The following RP1 variants were observed in gnomAD, a reference collection of about 807,000 sequenced individuals.
RP1 encodes RP1 axonemal microtubule associated, also known as oxygen-regulated protein 1.
A neutral mutation model predicts 14.8 loss-of-function variants in RP1; 16 were observed. The observed-to-expected ratio is 1.08, with a 90% CI of 0.73 to 1.65. RP1 has a LOEUF of 1.65. Among genes scored for constraint, RP1 ranks in the 40% most tolerant of loss-of-function variants. RP1 has a pLI of 0.00. For synonymous variants in RP1, 876 were observed against 883.6 expected (o/e 0.99, Z 0.15); for missense variants, 2,631 against 2,535.0 (o/e 1.04, Z -0.81).
At chr8:54,695,125 C>T (rs858391) in intron 12 of RP1, among the ~76,000 whole-genome samples, 45,775 of 151,762 alleles carry the variant, frequency 0.3, 7,292 homozygotes, top group East Asian at 0.51. Flanking sequence ...TGTAGTTGAG[C>T]GGTTTTGAGT....
intron 8 of RP1, among the ~76,000 whole-genome samples, chr8:54,675,479 G>T (rs57691778): frequency 6.6e-6 from 1 of 152,006 alleles, no homozygotes; most frequent in African/African-American, 2.4e-5. Flanking sequence ...TACTCTCCTC[G>T]GTTGTTTGTA....
chr8:54,813,081 G>T (rs1199163267), intron 24 of RP1, among the ~76,000 whole-genome samples: 3 of 152,218 alleles, frequency 2.0e-5, no homozygotes, highest in African/African-American at 7.2e-5. Flanking sequence ...CGGGAACCCA[G>T]TCCAACTTTT....
intron 19 of RP1, among the ~76,000 whole-genome samples, chr8:54,745,826 C>T (rs530560652): frequency 6.6e-6 from 1 of 152,248 alleles, no homozygotes; most frequent in South Asian, 2.1e-4. Flanking sequence ...AATATCAGTG[C>T]ACTTTTTCTC....
chr8:54,603,938 A>G (rs7831562), intron 1 of RP1, among the ~76,000 whole-genome samples: 51,955 of 151,738 alleles, frequency 0.34, 9,404 homozygotes, highest in Middle Eastern at 0.48. Flanking sequence ...GAGATTTGGG[A>G]CTGAGACGAT....
chr8:54,863,344 T>A (rs1812393425), intron 27 of RP1, among the ~76,000 whole-genome samples: 1 of 152,142 alleles, frequency 6.6e-6, no homozygotes, highest in Admixed American at 6.5e-5. Flanking sequence ...ATCACCTAGG[T>A]GTGTAGTAGA....
chr8:54,806,502 G>A (rs1810856294), intron 24 of RP1, among the ~76,000 whole-genome samples: 2 of 152,162 alleles, frequency 1.3e-5, no homozygotes, highest in African/African-American at 4.8e-5. Flanking sequence ...GGCAGGCAGT[G>A]TGGCACTAGC....
intron 21 of RP1, among the ~76,000 whole-genome samples, chr8:54,758,723 G>A (rs924249264): frequency 6.6e-6 from 1 of 152,138 alleles, no homozygotes; most frequent in African/African-American, 2.4e-5. Context: ...AAAACAGCCA[G>A]AAATATATTT....
chr8:54,864,033 G>T (rs1812407589), intron 27 of RP1, among the ~76,000 whole-genome samples: 1 of 152,150 alleles, frequency 6.6e-6, no homozygotes, highest in Non-Finnish European at 1.5e-5. Context: ...GTGTATCAAA[G>T]AAATGAAAAG....
chr8:54,624,614 C>G, intron 3 of RP1, 56 bp from the exon 4 acceptor site: 2 of 1,564,916 alleles, frequency 1.3e-6, no homozygotes, highest in Non-Finnish European at 1.8e-6. Flanking sequence ...TCTAACTTCT[C>G]TGCCTTCCAT....
At chr8:54,725,712 T>G (rs555820807) in intron 16 of RP1, among the ~76,000 whole-genome samples, 7 of 152,268 alleles carry the variant, frequency 4.6e-5, no homozygotes, top group Admixed American at 2.6e-4. Flanking sequence ...TTACCACCAT[T>G]TAAAAACTCA....
chr8:54,639,103 C>T (rs1806410493), intron 3 of RP1, among the ~76,000 whole-genome samples: 1 of 152,136 alleles, frequency 6.6e-6, no homozygotes, highest in Admixed American at 6.6e-5. Context: ...TCCCCTTTGC[C>T]CAACCCTTGG....
At chr8:54,611,196 G>A (rs1049435175), upstream of RP1, among the ~76,000 whole-genome samples, 9 of 152,108 alleles carry the variant, frequency 5.9e-5, no homozygotes, top group Non-Finnish European at 8.8e-5. Flanking sequence ...TTCATCCTAC[G>A]TGTAGTTCAT....
At chr8:54,576,190 G>A (rs1403917208) in intron 1 of RP1, among the ~76,000 whole-genome samples, 8 of 152,074 alleles carry the variant, frequency 5.3e-5, no homozygotes, top group African/African-American at 1.9e-4. Flanking sequence ...ACAGGCGCGC[G>A]CCACCACGCC....
At chr8:54,648,903 C>A in intron 3 of RP1, 1 of 1,003,080 alleles carries the variant, frequency 1.0e-6, no homozygotes, top group South Asian at 2.5e-5. Context: ...CTGAACTCTC[C>A]TAGTTTTATG....
chr8:54,723,307 T>TTA, intron 16 of RP1, among the ~76,000 whole-genome samples: 1 of 152,208 alleles, frequency 6.6e-6, no homozygotes, highest in East Asian at 1.9e-4. Flanking sequence ...TTTTATCACT[T>TTA]AAATAGAGTC....
chr8:54,738,888 A>G (rs1809000725), intron 18 of RP1: 3 of 1,180,298 alleles, frequency 2.5e-6, no homozygotes, highest in South Asian at 3.4e-5. Flanking sequence ...GAATTTTTTA[A>G]TGTGCTTAAT....
chr8:54,806,758 CA>C (rs34757001), intron 24 of RP1, among the ~76,000 whole-genome samples: 4,289 of 151,684 alleles, frequency 0.028, 114 homozygotes, highest in African/African-American at 0.062. Flanking sequence ...TGTATTTTTA[CA>C]AAAAAAATTC....
intron 3 of RP1, among the ~76,000 whole-genome samples, chr8:54,624,124 G>A (rs191965196): frequency 2.8e-4 from 42 of 152,230 alleles, no homozygotes; most frequent in African/African-American, 9.9e-4. Context: ...CACTGTTATA[G>A]TAGGTTTTCT....
At chr8:54,870,050 T>C in exon 29 of RP1, 1 of 478,386 alleles carries the variant, frequency 2.1e-6, no homozygotes, top group Middle Eastern at 5.7e-4. Flanking sequence ...CTGGGGAGGG[T>C]CAGTTTGTGT....
Sources: gnomAD v4.1 joint callset for allele counts (sites outside exome capture counted in the v4.1 genomes callset) on GRCh38, gnomAD v4.1.1 for gene constraint, MANE v1.5 for transcripts, NCBI Gene and HGNC (gene_info 2026-07-23, HGNC 2026-07-21) for gene names.